Variants in CLEC20A observed in about 807,000 individuals in gnomAD.
The protein encoded by CLEC20A is putative C-type lectin domain family 20 member A.
At chr1:178,484,992 ATTTC>A (rs1277364057) in intron 5 of CLEC20A, among the ~76,000 whole-genome samples, 1 of 152,142 alleles carries the variant, frequency 6.6e-6, no homozygotes, top group African/African-American at 2.4e-5. Context: ...AGCATCATAA[ATTTC>A]TTTAATAAAG....
chr1:178,479,645 A>G (rs527736304), intron 7 of CLEC20A, 30 bp from the exon 8 acceptor site: 13 of 398,366 alleles, frequency 3.3e-5, no homozygotes, highest in Non-Finnish European at 5.3e-5. Context: ...GAAAGTGTTG[A>G]TGCGGTCTTT....
chr1:178,486,972 G>GCGGGGCTC (rs1435966841), intron 5 of CLEC20A: 1 of 395,950 alleles, frequency 2.5e-6, no homozygotes, highest in African/African-American at 2.1e-5. Context: ...GGTCGGGCTC[G>GCGGGGCTC]CGGGGCTCCG....
intron 5 of CLEC20A, chr1:178,484,767 C>T (rs890755267): frequency 3.3e-5 from 5 of 152,200 alleles, no homozygotes; most frequent in Admixed American, 6.5e-5. Flanking sequence ...CAAAGCTGAG[C>T]ATTTTTTAAA....
chr1:178,483,602 AGGGCCTAAT>A (rs1649050851), intron 5 of CLEC20A: 1 of 194,138 alleles, frequency 5.2e-6, no homozygotes, highest in Non-Finnish European at 1.0e-5. Context: ...TGTGCTCCAA[AGGGCCTAAT>A]GTCCTTATTT....
chr1:178,497,319 G>A (rs964809725), upstream of CLEC20A: 28 of 215,860 alleles, frequency 1.3e-4, no homozygotes, highest in Middle Eastern at 2.9e-3. Flanking sequence ...ACCCCTTTTC[G>A]CCAAAGCCAG....
intron 5 of CLEC20A, chr1:178,486,580 G>A (rs919422977): frequency 4.5e-5 from 18 of 398,588 alleles, no homozygotes; most frequent in Non-Finnish European, 6.6e-5. Flanking sequence ...GGTCCCCAGA[G>A]AGCTCCCTTG....
chr1:178,492,108 AC>A (rs60680935), intron 3 of CLEC20A, among the ~76,000 whole-genome samples: 2,669 of 151,874 alleles, frequency 0.018, 70 homozygotes, highest in African/African-American at 0.058. Flanking sequence ...ACATGGCAAA[AC>A]CCCATCTCTA....
At chr1:178,490,178 C>G (rs553481630) in exon 4 of CLEC20A, 11 of 398,690 alleles carry the variant, frequency 2.8e-5, no homozygotes, top group African/African-American at 2.3e-4. Context: ...TCACCATCAT[C>G]GGCACCTGCA....
intron 2 of CLEC20A, among the ~76,000 whole-genome samples, chr1:178,494,194 A>G (rs1185480162): frequency 6.6e-6 from 1 of 152,228 alleles, no homozygotes; most frequent in Non-Finnish European, 1.5e-5. Context: ...CAAGAATTTG[A>G]GACCAGCCTG....
chr1:178,493,415 C>T (rs1649312802), intron 2 of CLEC20A: 1 of 152,458 alleles, frequency 6.6e-6, no homozygotes, highest in South Asian at 2.1e-4. Context: ...GAGGATGGCA[C>T]AGAGTTGGAC....
intron 7 of CLEC20A, chr1:178,479,818 AT>A (rs1218955086): frequency 3.5e-4 from 121 of 344,534 alleles, no homozygotes; most frequent in Middle Eastern, 1.5e-3. Flanking sequence ...AAAAAAAAAA[AT>A]TTAATGACAA....
At chr1:178,486,977 G>A (rs1301380163) in intron 5 of CLEC20A, 3 of 395,720 alleles carry the variant, frequency 7.6e-6, no homozygotes, top group African/African-American at 2.1e-5. Flanking sequence ...GGCTCGCGGG[G>A]CTCCGGGCTG....
At chr1:178,499,027 G>A (rs147895546), upstream of CLEC20A, among the ~76,000 whole-genome samples, 672 of 152,262 alleles carry the variant, frequency 4.4e-3, 4 homozygotes, top group Middle Eastern at 0.058. Flanking sequence ...TCCTGACCTG[G>A]AAGATGCTGC....
exon 8 of CLEC20A, chr1:178,479,338 G>A: frequency 2.7e-6 from 1 of 372,000 alleles, no homozygotes; most frequent in Non-Finnish European, 4.8e-6. Flanking sequence ...ATCTTCTCCT[G>A]CATCCCTGTT....
At chr1:178,499,072 A>G (rs914676892), upstream of CLEC20A, among the ~76,000 whole-genome samples, 21 of 152,030 alleles carry the variant, frequency 1.4e-4, no homozygotes, top group African/African-American at 4.8e-4. Flanking sequence ...CCACTCCCCC[A>G]GTCGTCTCCC....
At chr1:178,486,332 A>G (rs1649142170) in intron 5 of CLEC20A, 2 of 397,624 alleles carry the variant, frequency 5.0e-6, no homozygotes, top group East Asian at 7.1e-5. Context: ...CCTGCACCCT[A>G]CTCATGGAAG....
chr1:178,490,126 G>A (rs147701081), exon 4 of CLEC20A: 1 of 398,704 alleles, frequency 2.5e-6, no homozygotes, highest in African/African-American at 2.1e-5. Context: ...TACACTTTTG[G>A]GGAGTAGGTC....
intron 7 of CLEC20A, chr1:178,481,328 C>A (rs1301058010): frequency 6.6e-6 from 1 of 152,132 alleles, no homozygotes; most frequent in African/African-American, 2.4e-5. Flanking sequence ...TTGTGAAATT[C>A]TAGAATGAAT....
chr1:178,486,802 G>A (rs1034583548), intron 5 of CLEC20A: 5 of 398,526 alleles, frequency 1.3e-5, no homozygotes, highest in Admixed American at 4.4e-5. Flanking sequence ...GTGGGAAGAC[G>A]CACTCTGGGC....
Sources: allele counts gnomAD v4.1 joint callset (sites outside exome capture counted in the v4.1 genomes callset), GRCh38; gene constraint gnomAD v4.1.1; transcripts MANE v1.5; gene names NCBI Gene and HGNC (gene_info 2026-07-23, HGNC 2026-07-21).